FADS1: variants seen among roughly 807,000 people sequenced by gnomAD.
FADS1 encodes fatty acid desaturase 1, also known as acyl-CoA (8-3)-desaturase.
A neutral mutation model predicts 61.6 loss-of-function variants in FADS1; 17 were observed. That is an observed-to-expected ratio of 0.28 (90% CI 0.19 to 0.41). The LOEUF (loss-of-function observed/expected upper bound fraction) is 0.41. Among genes scored for constraint, FADS1 ranks in the 10% least tolerant of loss-of-function variants. The pLI, the probability that FADS1 is intolerant of heterozygous loss-of-function variation, is 1.00. For synonymous variants in FADS1, 238 were observed against 258.7 expected, an observed-to-expected ratio of 0.92 and a Z score of 0.77; for missense variants, 387 against 650.9, an observed-to-expected ratio of 0.59 and a Z score of 4.41.
At chr11:61,811,184 G>T in intron 3 of FADS1, 109 bp from the exon 4 acceptor site, 2 of 764,204 alleles carry the variant, frequency 2.6e-6, no homozygotes, top group Non-Finnish European at 4.4e-6. Context: ...GCCAAGGCCT[G>T]TGATGCACCT....
chr11:61,815,088 G>C lies in FADS1; in HGVS notation c.375+1467C>G, dbSNP rs959845034. The stretch of plus-strand genomic sequence containing the variant: ...AAGGCAGCTACTTTGGGTTGTGCAA[G>C]GTAAGGTCCATGGCGATAAGATTCA... On this transcript the variant is annotated intron_variant, in intron 1 of 11. Coordinates refer to ENST00000350997, the MANE Select transcript of FADS1 (RefSeq NM_013402.7). The surrounding 1 kb of genome is among the most constrained non-coding windows in gnomAD (Gnocchi z 6.4). 1 of 157,872 alleles carries C rather than the reference G, an allele frequency of 6.3e-6. No individual in the cohort carries two copies. The highest frequency in any genetic ancestry group is 2.4e-5 in the African/African-American group (1 of 41,544). 9.8% of individuals were successfully genotyped at this position (157,872 alleles called of 1,614,324 possible). A position where few individuals can be genotyped will look rare whatever the true frequency, so the allele number is the denominator to read the frequency against.
intron 7 of FADS1, chr11:61,804,057 T>G (rs1381726652): frequency 2.1e-5 from 10 of 477,598 alleles, no homozygotes; most frequent in Non-Finnish European, 3.4e-5. Context: ...TGCCGCCAAA[T>G]GAATCTGCCA....
chr11:61,804,477 C>A (rs137864040), intron 7 of FADS1: 7 of 545,422 alleles, frequency 1.3e-5, no homozygotes, highest in Non-Finnish European at 2.0e-5. Flanking sequence ...AGACACTGAC[C>A]GCATGAAATT....
chr11:61,804,858 C>T lies in FADS1; in HGVS notation c.977-97G>A, dbSNP rs553357337. 4.8e-5 allele frequency: 47 copies of T among 977,824 alleles called. 1 individual carries two copies. The Admixed American group carries it at 6.6e-4, about 14-fold the overall frequency. The allele number at this position is 977,824 out of a possible 1,614,324, so 60.6% of individuals were successfully genotyped here. Reference sequence around the variant, plus strand: ...AGAGATGGCCTCTAGCAGGGGGCTGCCTCTTCCAACCATCCCTTCTGTCTC... The same window carrying T: ...AGAGATGGCCTCTAGCAGGGGGCTGTCTCTTCCAACCATCCCTTCTGTCTC... On this transcript the variant is annotated intron_variant, in intron 6 of 11. Coordinates refer to ENST00000350997, the MANE Select transcript of FADS1 (RefSeq NM_013402.7).
At chr11:61,812,143 T>C (rs574711919) in intron 3 of FADS1, among the ~76,000 whole-genome samples, 2 of 152,312 alleles carry the variant, frequency 1.3e-5, no homozygotes, top group East Asian at 3.9e-4. Context: ...TTGGGCAATG[T>C]CAGTGGTGGG....
intron 5 of FADS1, among the ~76,000 whole-genome samples, chr11:61,808,619 T>C (rs2135937526): frequency 6.6e-6 from 1 of 152,288 alleles, no homozygotes; most frequent in Non-Finnish European, 1.5e-5. Flanking sequence ...ATAAAGGCAT[T>C]TGCCATTCAA....
rs889184252 is a variant in FADS1, at chr11:61,815,564, C to G, written c.375+991G>C. On this transcript the variant is annotated intron_variant, in intron 1 of 11. Transcript: ENST00000350997. The surrounding 1 kb of genome is among the most constrained non-coding windows in gnomAD (Gnocchi z 6.4). ...CAGAGGGGGATGCAAGGGGAGGGGA[C>G]GCCATTCTGGCCGCCAAGGGGGAAA... 4 of 152,826 alleles carry G rather than the reference C, an allele frequency of 2.6e-5. No homozygotes were observed. The highest frequency in any genetic ancestry group is 9.6e-5 in the African/African-American group (4 of 41,456). 9.5% of individuals were successfully genotyped at this position (152,826 alleles called of 1,614,324 possible). A position where few individuals can be genotyped will look rare whatever the true frequency, so the allele number is the denominator to read the frequency against.
At chr11:61,806,620 T>C (rs2066896569) in intron 6 of FADS1, 44 bp downstream of exon 6, 1 of 1,528,408 alleles carries the variant, frequency 6.5e-7, no homozygotes. Context: ...TCCCTCAGCA[T>C]TCCCTCCTGA....
Position 61,802,112 on chromosome 11 carries a change from C to A in FADS1, c.*299G>T. 1 of 368,666 alleles carries A rather than the reference C, an allele frequency of 2.7e-6. No homozygotes were observed. The highest frequency in any genetic ancestry group is 5.1e-6 in the Non-Finnish European group (1 of 196,988). The allele number at this position is 368,666 out of a possible 1,614,324, so 22.8% of individuals were successfully genotyped here. ...TCAGTAGGTCCCTCCTCTTCTGTTA[C>A]CCTCCTGGTTCTCTCTGTTCACCAA... is the stretch of plus-strand genomic sequence containing the variant. On this transcript the variant is annotated 3_prime_UTR_variant, in exon 12 of 12. Coordinates refer to ENST00000350997, the MANE Select transcript of FADS1 (RefSeq NM_013402.7). This position sits in a 1 kb window ranked among gnomAD's most constrained non-coding sequence, Gnocchi z 4.2.
At position 61,802,518 on chromosome 11, in the gene FADS1, C is replaced by T. The variant is rs1311653061; in HGVS notation, c.1455-56G>A. 49 of 1,484,020 alleles carry T rather than the reference C, an allele frequency of 3.3e-5. No individual in the cohort carries two copies. The highest frequency in any genetic ancestry group is 4.0e-5 in the Non-Finnish European group (43 of 1,086,038). 91.9% of individuals were successfully genotyped at this position (1,484,020 alleles called of 1,614,324 possible). On this transcript the variant is annotated intron_variant, in intron 11 of 11. Transcript: ENST00000350997. The surrounding 1 kb of genome is among the most constrained non-coding windows in gnomAD (Gnocchi z 4.2). ...GGGAGACAAGCAGAGTTGAACCCACCGGAGATGGAGCAGTGAGGTTAAGGC... is the reference window on the plus strand; with the variant it reads ...GGGAGACAAGCAGAGTTGAACCCACTGGAGATGGAGCAGTGAGGTTAAGGC...
At position 61,810,872 on chromosome 11, in the gene FADS1, G is replaced by A; in HGVS notation, c.794C>T (p.Pro265Leu). ...GTGCATGTGGTTCCACCAACTGGCGGGGGCCCCCTACAGAAAAGCAGGGAC... is the reference window on the plus strand; with the variant it reads ...GTGCATGTGGTTCCACCAACTGGCGAGGGCCCCCTACAGAAAAGCAGGGAC... ...HFVIGHLKGA[P>L]ASWWNHMHFQ... Residue 265 changes from proline (P) to leucine (L), a missense_variant, in exon 5 of 12, where the codon CCC (proline) becomes CTC (leucine). Pro to Leu is a moderately conservative substitution (Grantham distance 98, BLOSUM62 -3). Coordinates refer to ENST00000350997, the MANE Select transcript of FADS1 (RefSeq NM_013402.7). 1 of 1,614,202 alleles carries A rather than the reference G, an allele frequency of 6.2e-7. No homozygotes were observed. Among genetic ancestry groups the A allele is most frequent in the Non-Finnish European group, 8.5e-7 (1 of 1,180,030 alleles).
At chr11:61,810,481 C>T (rs1448966495) in intron 5 of FADS1, among the ~76,000 whole-genome samples, 1 of 152,186 alleles carries the variant, frequency 6.6e-6, no homozygotes, top group African/African-American at 2.4e-5. Flanking sequence ...TTGGATCCTT[C>T]TGGTCATCCG....
Position 61,803,601 on chromosome 11 carries a change from C to T in FADS1, c.1151+69G>A. On this transcript the variant is annotated intron_variant, in intron 8 of 11. Transcript: ENST00000350997. The surrounding 1 kb of genome is among the most constrained non-coding windows in gnomAD (Gnocchi z 4.3). Reference sequence around the variant, plus strand: ...CTGTTACCCAAAGCCCCAGCACGGCCCCTAGACCAGACTGGTCACTCCCCA... The same window carrying T: ...CTGTTACCCAAAGCCCCAGCACGGCTCCTAGACCAGACTGGTCACTCCCCA... 2 of 1,430,848 alleles carry T rather than the reference C, an allele frequency of 1.4e-6. No individual in the cohort carries two copies. Among genetic ancestry groups the T allele is most frequent in the Non-Finnish European group, 2.0e-6 (2 of 1,013,298 alleles). The allele number at this position is 1,430,848 out of a possible 1,614,324, so 88.6% of individuals were successfully genotyped here.
At chr11:61,805,056 G>T in intron 6 of FADS1, 1 of 521,652 alleles carries the variant, frequency 1.9e-6, no homozygotes, top group Non-Finnish European at 3.4e-6. Context: ...CCACGCATGG[G>T]ACTTGCTCTG....
chr11:61,812,522 C>T lies in FADS1; in HGVS notation c.633G>A (p.Gly211=). 6.2e-7 allele frequency: 1 copy of T among 1,614,068 alleles called. No individual in the cohort carries two copies. Among genetic ancestry groups the T allele is most frequent in the Non-Finnish European group, 8.5e-7 (1 of 1,180,026 alleles). ...GAAWLTLWVF[G]TSFLPFLLCA... ...AGAGGAGGAAGGGCAAAAAGGACGT[C>T]CCAAAGACCCAAAGGGTGAGCCAGG... Residue 211 remains glycine, a synonymous_variant, in exon 3 of 12, where the codon GGG becomes GGA. Transcript: ENST00000350997.
chr11:61,813,426 C>T (rs949384741), intron 1 of FADS1, 73 bp from the exon 2 acceptor site: 17 of 845,992 alleles, frequency 2.0e-5, no homozygotes, highest in Non-Finnish European at 3.1e-5. Flanking sequence ...GCACCAAAGG[C>T]CATCCTCCTG....
At chr11:61,808,228 C>G (rs928780646) in intron 5 of FADS1, among the ~76,000 whole-genome samples, 2 of 151,824 alleles carry the variant, frequency 1.3e-5, no homozygotes, top group Non-Finnish European at 2.9e-5. Flanking sequence ...CCCAGCTACT[C>G]AGGAGGCTGA....
rs2066977075 is a variant in FADS1, at chr11:61,815,899, T to G, written c.375+656A>C. ...AACAGCTCTGGGGGTCCTCGCTAAGTGTATGCCATTCCCAATCCCTTATGT... is the reference window on the plus strand; with the variant it reads ...AACAGCTCTGGGGGTCCTCGCTAAGGGTATGCCATTCCCAATCCCTTATGT... On this transcript the variant is annotated intron_variant, in intron 1 of 11. Coordinates refer to ENST00000350997, the MANE Select transcript of FADS1 (RefSeq NM_013402.7). This position sits in a 1 kb window ranked among gnomAD's most constrained non-coding sequence, Gnocchi z 6.4. The G allele has an allele frequency of 3.6e-6, 1 of 279,528 alleles. No individual in the cohort carries two copies. 17.3% of individuals were successfully genotyped at this position (279,528 alleles called of 1,614,324 possible). A position where few individuals can be genotyped will look rare whatever the true frequency, so the allele number is the denominator to read the frequency against.
chr11:61,804,035 A>C, intron 7 of FADS1: 1 of 514,668 alleles, frequency 1.9e-6, no homozygotes, highest in East Asian at 3.4e-5. Flanking sequence ...AGCCAATCTA[A>C]ATCCTTCAGC....
Sources: gnomAD v4.1 joint callset for allele counts (sites outside exome capture counted in the v4.1 genomes callset) on GRCh38, gnomAD v4.1.1 for gene constraint, Gnocchi (gnomAD v3.1) non-coding constraint, MANE v1.5 for transcripts, NCBI Gene and HGNC (gene_info 2026-07-23, HGNC 2026-07-21) for gene names.